MCF2L2: variants seen among roughly 807,000 people sequenced by gnomAD.
MCF2L2 encodes probable guanine nucleotide exchange factor MCF2L2.
In MCF2L2, 102 loss-of-function variants were observed where a neutral mutation model predicts 150.2. The observed-to-expected ratio is 0.68, with a 90% CI of 0.58 to 0.80. The LOEUF is 0.80. MCF2L2 is among the 30% of genes least tolerant of loss of function. MCF2L2 has a pLI of 0.00. For synonymous variants in MCF2L2, 465 were observed against 491.3 expected (o/e 0.95, Z 0.71); for missense variants, 1,256 against 1,372.8 (o/e 0.91, Z 1.34).
At chr3:183,213,512 T>C (rs761435974) in intron 22 of MCF2L2, among the ~76,000 whole-genome samples, 1 of 152,106 alleles carries the variant, frequency 6.6e-6, no homozygotes, top group Non-Finnish European at 1.5e-5. Flanking sequence ...AATATTAAAT[T>C]TCAAGCAGAG....
chr3:183,263,656 C>T (rs1221687446), intron 15 of MCF2L2, among the ~76,000 whole-genome samples: 2 of 152,260 alleles, frequency 1.3e-5, no homozygotes, highest in Middle Eastern at 3.4e-3. Flanking sequence ...TGGATCTCTC[C>T]AGTCCTGTCT....
intron 17 of MCF2L2, among the ~76,000 whole-genome samples, chr3:183,229,102 C>T (rs1242241559): frequency 6.6e-6 from 1 of 152,132 alleles, no homozygotes; most frequent in Non-Finnish European, 1.5e-5. Flanking sequence ...ATCTTGGGGT[C>T]ATCATAGCGA....
chr3:183,329,601 G>T (rs74285569), intron 5 of MCF2L2, among the ~76,000 whole-genome samples: 15,861 of 152,222 alleles, frequency 0.1, 1,210 homozygotes, highest in African/African-American at 0.21. Flanking sequence ...AGCAATGAAA[G>T]GAAAGAACTA....
intron 22 of MCF2L2, among the ~76,000 whole-genome samples, chr3:183,212,634 C>T (rs953709900): frequency 1.4e-4 from 21 of 151,994 alleles, no homozygotes; most frequent in African/African-American, 4.8e-4. Context: ...TTTGGGTGCC[C>T]GTGTTTCCAT....
chr3:183,203,031 A>T (rs1273709611), intron 25 of MCF2L2, among the ~76,000 whole-genome samples: 1 of 152,146 alleles, frequency 6.6e-6, no homozygotes, highest in Non-Finnish European at 1.5e-5. Flanking sequence ...CAACATGTTG[A>T]AACCCCATCT....
rs144063204 is a variant in MCF2L2 at position 183,269,755 on chromosome 3, G to T, written c.1862+7117C>A. 3.8e-4 allele frequency: 587 copies of T among 1,537,406 alleles called. 3 individuals carry two copies. In the African/African-American group the frequency reaches 7.6e-3, roughly 20 times the overall value. On this transcript the variant is annotated intron_variant, in intron 15 of 29. Coordinates refer to ENST00000328913, the MANE Select transcript of MCF2L2 (RefSeq NM_015078.4). ...GTTCTATGGTCTCGAAGAAGCCCGTGCCTGTTTAAAACTGATCCTAACTAA... is the reference window on the plus strand; with the variant it reads ...GTTCTATGGTCTCGAAGAAGCCCGTTCCTGTTTAAAACTGATCCTAACTAA...
In MCF2L2 at chr3:183,270,916, G is replaced by A. The variant is rs762989510; in HGVS notation, c.1862+5956C>T. ...ATTAGCTATGTGGACACATACCCTT[G>A]TAGGGCTGCGTTTATCTAATAGTAC... On this transcript the variant is annotated intron_variant, in intron 15 of 29. Coordinates refer to ENST00000328913, the MANE Select transcript of MCF2L2 (RefSeq NM_015078.4). This position sits in a 1 kb window ranked among gnomAD's most constrained non-coding sequence, Gnocchi z 4.5. 3.2e-6 allele frequency: 5 copies of A among 1,582,354 alleles called. No individual in the cohort carries two copies. The highest frequency in any genetic ancestry group is 2.2e-5 in the East Asian group (1 of 44,754).
At chr3:183,317,947 A>G (rs1729665246) in intron 7 of MCF2L2, 121 bp downstream of exon 7, 1 of 1,257,306 alleles carries the variant, frequency 8.0e-7, no homozygotes, top group African/African-American at 1.5e-5. Flanking sequence ...AGTGGCTTCC[A>G]AGTCACTAAA....
chr3:183,397,363 G>A (rs1560056986), intron 1 of MCF2L2, among the ~76,000 whole-genome samples: 1 of 152,320 alleles, frequency 6.6e-6, no homozygotes, highest in East Asian at 1.9e-4. Flanking sequence ...GGCGAAAGGG[G>A]TGTACACTGA....
At chr3:183,380,418 T>C (rs1713453096) in intron 2 of MCF2L2, among the ~76,000 whole-genome samples, 1 of 152,232 alleles carries the variant, frequency 6.6e-6, no homozygotes, top group Admixed American at 6.5e-5. Flanking sequence ...TTTCCTTTTA[T>C]TGAGACAGAG....
At chr3:183,346,597 A>T (rs1004460216) in intron 3 of MCF2L2, among the ~76,000 whole-genome samples, 1 of 152,204 alleles carries the variant, frequency 6.6e-6, no homozygotes, top group Non-Finnish European at 1.5e-5. Context: ...AGGGTATTCA[A>T]ATCGGAAGAG....
At chr3:183,320,456 T>C (rs1333766437) in intron 6 of MCF2L2, among the ~76,000 whole-genome samples, 7 of 152,178 alleles carry the variant, frequency 4.6e-5, no homozygotes, top group African/African-American at 1.7e-4. Flanking sequence ...GCAGCTTCTG[T>C]AGCAGCACCT....
chr3:183,375,926 T>C (rs1428787368), intron 3 of MCF2L2: 1 of 152,160 alleles, frequency 6.6e-6, no homozygotes, highest in Non-Finnish European at 1.5e-5. Context: ...AAATTAGACA[T>C]AGGTCCAAGT....
At chr3:183,278,294 T>A (rs1727281897) in intron 14 of MCF2L2, among the ~76,000 whole-genome samples, 1 of 151,690 alleles carries the variant, frequency 6.6e-6, no homozygotes, top group Non-Finnish European at 1.5e-5. Context: ...TGTGTGTGTG[T>A]GTGTGTGTGT....
chr3:183,278,614 C>A (rs894363211), intron 14 of MCF2L2, among the ~76,000 whole-genome samples: 1 of 152,202 alleles, frequency 6.6e-6, no homozygotes, highest in Non-Finnish European at 1.5e-5. Context: ...GGATCCCCAG[C>A]GTGTAATACA....
chr3:183,346,694 A>G (rs749850664), intron 3 of MCF2L2, among the ~76,000 whole-genome samples: 39 of 152,244 alleles, frequency 2.6e-4, no homozygotes, highest in Non-Finnish European at 5.4e-4. Context: ...CCTTAAGCTG[A>G]TAAGCAACTT....
At position 183,224,185 on chromosome 3, in the gene MCF2L2, T is replaced by A. The variant is rs1432618040; in HGVS notation, c.2121A>T (p.Glu707Asp). 5 of 1,609,282 alleles carry A rather than the reference T, an allele frequency of 3.1e-6. No individual in the cohort carries two copies. The Admixed American group carries it at 8.3e-5, about 27-fold the overall frequency. The change falls in exon 19 of 30, where the codon GAA (glutamate) becomes GAT (aspartate). Residue 707 changes from glutamate to aspartate, a missense_variant. Transcript: ENST00000328913. ...GGTATTTAAAATATATCTGAAGATC[T>A]TCTTTCTAGGTGGGAAAAAATTAGA... ...LLAHCFLKRK[E>D]DLQIYFKYHK...
Position 183,323,260 on chromosome 3 carries a change from T to TA in MCF2L2, c.577_578insT (p.His193LeufsTer61), listed in dbSNP as rs760537494. 6.2e-7 allele frequency: 1 copy of TA among 1,613,432 alleles called. No individual in the cohort carries two copies. The highest frequency in any genetic ancestry group is 1.7e-5 in the Admixed American group (1 of 60,024). On this transcript the variant is annotated frameshift_variant, in exon 6 of 30. Coordinates refer to ENST00000328913, the MANE Select transcript of MCF2L2 (RefSeq NM_015078.4). LOFTEE classifies it high-confidence loss of function. ...AGTGCGGTGATTTACCCACTGACCGTGGCGATATTCCAAAGTCCCCCCTAA... is the reference window on the plus strand; with the variant it reads ...AGTGCGGTGATTTACCCACTGACCGTAGGCGATATTCCAAAGTCCCCCCTAA...
intron 15 of MCF2L2, among the ~76,000 whole-genome samples, chr3:183,262,719 G>T (rs767370565): frequency 1.1e-4 from 17 of 151,520 alleles, no homozygotes; most frequent in Admixed American, 3.9e-4. Context: ...TCTTCAGGGT[G>T]GGGGGGACAG....
Sources: gnomAD v4.1 joint callset for allele counts (sites outside exome capture counted in the v4.1 genomes callset) on GRCh38, gnomAD v4.1.1 for gene constraint, Gnocchi (gnomAD v3.1) non-coding constraint, MANE v1.5 for transcripts, NCBI Gene and HGNC (gene_info 2026-07-23, HGNC 2026-07-21) for gene names.